The following XRRA1 variants were observed in gnomAD, a reference collection of about 807,000 sequenced individuals.
The protein encoded by XRRA1 is X-ray radiation resistance associated 1, also known as X-ray radiation resistance-associated protein 1.
A neutral mutation model predicts 80.2 loss-of-function variants in XRRA1; 69 were observed. The ratio of observed to expected loss-of-function variants is 0.86; its 90% CI spans 0.71 to 1.05. The LOEUF is 1.05. Among genes scored for constraint, XRRA1 ranks in the 50% least tolerant of loss-of-function variants. XRRA1 has a pLI of 0.00. For synonymous variants in XRRA1, 348 were observed against 389.9 expected (o/e 0.89, Z 1.27); for missense variants, 967 against 976.4 (o/e 0.99, Z 0.13).
At chr11:74,913,825 G>A (rs1203810511) in intron 8 of XRRA1, 3 of 152,118 alleles carry the variant, frequency 2.0e-5, no homozygotes, top group African/African-American at 7.2e-5. Flanking sequence ...CTACGATATG[G>A]ATTAATTTTT....
chr11:74,900,403 A>G (rs2137842142), intron 10 of XRRA1, among the ~76,000 whole-genome samples: 1 of 151,854 alleles, frequency 6.6e-6, no homozygotes, highest in South Asian at 2.1e-4. Context: ...ATCAACATGG[A>G]GAAACCCCAT....
At chr11:74,932,099 T>C (rs1943725422) in intron 5 of XRRA1, among the ~76,000 whole-genome samples, 1 of 152,226 alleles carries the variant, frequency 6.6e-6, no homozygotes, top group Non-Finnish European at 1.5e-5. Flanking sequence ...TATTGTTTTG[T>C]AGGAGCTCTT....
chr11:74,862,064 T>C (rs765210297), intron 11 of XRRA1, among the ~76,000 whole-genome samples: 1 of 152,186 alleles, frequency 6.6e-6, no homozygotes, highest in Non-Finnish European at 1.5e-5. Flanking sequence ...CTATTTCAAT[T>C]TCAGAACTTT....
intron 3 of XRRA1, 24 bp from the exon 4 acceptor site, chr11:74,937,092 A>C (rs1251772778): frequency 2.5e-6 from 4 of 1,599,788 alleles, no homozygotes. Context: ...TAGAACAGTG[A>C]AAAGGGGAAA....
intron 6 of XRRA1, among the ~76,000 whole-genome samples, chr11:74,929,381 C>T (rs1193785816): frequency 6.6e-6 from 1 of 152,138 alleles, no homozygotes; most frequent in Non-Finnish European, 1.5e-5. Flanking sequence ...GAAATAATCT[C>T]CCAGGTTTCC....
Position 74,927,403 on chromosome 11 carries a change from A to G in XRRA1, c.510T>C (p.Phe170=). The G allele has an allele frequency of 1.2e-6, 2 of 1,609,962 alleles. No individual in the cohort carries two copies. The highest frequency in any genetic ancestry group is 1.1e-5 in the South Asian group (1 of 90,942). The stretch of plus-strand genomic sequence containing the variant: ...ACCTCCAACTTACTTCTAATAACTT[A>G]AAGTCTCCATATTTCACGTAGATAG... ...IKTIYVKYGD[F]KLLEFLDLSF... is the part of the protein sequence containing the mutation. The change falls in exon 7 of 19, where the codon TTT becomes TTC. Residue 170 remains phenylalanine (F), a synonymous_variant. Coordinates refer to ENST00000684022, the MANE Select transcript of XRRA1 (RefSeq NM_001378157.1).
chr11:74,934,373 T>C (rs949146744), intron 4 of XRRA1, among the ~76,000 whole-genome samples: 2 of 152,216 alleles, frequency 1.3e-5, no homozygotes, highest in Admixed American at 1.3e-4. Flanking sequence ...CATTTATTTA[T>C]GGTACCCACC....
intron 8 of XRRA1, among the ~76,000 whole-genome samples, chr11:74,910,430 C>T (rs1463516104): frequency 1.3e-5 from 2 of 152,066 alleles, no homozygotes; most frequent in African/African-American, 4.8e-5. Flanking sequence ...TAGCAGATTC[C>T]AGCTCAAAAC....
At chr11:74,873,436 G>A (rs370942783) in intron 10 of XRRA1, among the ~76,000 whole-genome samples, 7 of 152,156 alleles carry the variant, frequency 4.6e-5, no homozygotes, top group Non-Finnish European at 5.9e-5. Context: ...TAGATCTAAA[G>A]GATGCCTTTT....
intron 7 of XRRA1, among the ~76,000 whole-genome samples, chr11:74,927,062 C>A (rs946094229): frequency 4.0e-5 from 6 of 151,374 alleles, no homozygotes; most frequent in Non-Finnish European, 7.4e-5. Flanking sequence ...TCAAAATTCT[C>A]CCTCCTTCAA....
intron 12 of XRRA1, 26 bp downstream of exon 12, chr11:74,859,132 T>G: frequency 6.4e-7 from 1 of 1,570,270 alleles, no homozygotes; most frequent in Non-Finnish European, 8.6e-7. Context: ...TGCCCCTGAG[T>G]AAACAGGAGA....
chr11:74,852,699 G>A (rs1188883140), intron 12 of XRRA1, among the ~76,000 whole-genome samples: 1 of 152,222 alleles, frequency 6.6e-6, no homozygotes, highest in African/African-American at 2.4e-5. Flanking sequence ...CCTGCAATCG[G>A]TGGCTTATTG....
At position 74,906,293 on chromosome 11, in the gene XRRA1, C is replaced by G; in HGVS notation, c.949G>C (p.Asp317His). 6.2e-7 allele frequency: 1 copy of G among 1,614,006 alleles called. No homozygotes were observed. Among genetic ancestry groups the G allele is most frequent in the Non-Finnish European group, 8.5e-7 (1 of 1,179,892 alleles). ...AGTACAGTATAATCCAGTTGCTCAT[C>G]TGAGTCCTCAAGCATCCTTGGCTTG... ...QSKPRMLEDS[D>H]EQLDYTVLPM... The change falls in exon 10 of 19, where the codon GAT becomes CAT. Residue 317 changes from aspartate to histidine, a missense_variant. Asp to His is a moderately conservative substitution (Grantham distance 81). Coordinates refer to ENST00000684022, the MANE Select transcript of XRRA1 (RefSeq NM_001378157.1).
chr11:74,924,764 C>T (rs867407680), intron 7 of XRRA1, among the ~76,000 whole-genome samples: 19 of 152,084 alleles, frequency 1.2e-4, no homozygotes, highest in Admixed American at 1.2e-3. Flanking sequence ...ACCCAGGAGG[C>T]GGAGGTTGCA....
chr11:74,876,974 C>T (rs2046179927), intron 10 of XRRA1: 1 of 152,138 alleles, frequency 6.6e-6, no homozygotes, highest in Admixed American at 6.5e-5. Flanking sequence ...AAGGGAAATT[C>T]TTGGTGAGTA....
At chr11:74,880,535 T>G (rs1590933224) in intron 10 of XRRA1, among the ~76,000 whole-genome samples, 5 of 149,850 alleles carry the variant, frequency 3.3e-5, no homozygotes, top group Admixed American at 3.3e-4. Flanking sequence ...GCTTTTCTAG[T>G]TCTTTTAATT....
At chr11:74,900,109 G>A (rs1455247061) in intron 10 of XRRA1, among the ~76,000 whole-genome samples, 1 of 151,736 alleles carries the variant, frequency 6.6e-6, no homozygotes, top group Non-Finnish European at 1.5e-5. Flanking sequence ...AGGTTGCAGT[G>A]AGCCGAGAAA....
rs2037730588 is a variant in XRRA1 at position 74,845,183 on chromosome 11, T to G, written c.1817A>C (p.Glu606Ala). The change falls in exon 16 of 19, where the codon GAG becomes GCG. Residue 606 changes from glutamate to alanine, a missense_variant. Physicochemically the swap from Glu to Ala is moderately radical, Grantham distance 107 (BLOSUM62 -1). Coordinates refer to ENST00000684022, the MANE Select transcript of XRRA1 (RefSeq NM_001378157.1). ...GAGTTTCCTCCGAGTCCCTTTCACC[T>G]CTCTGGGTGCCGTTGGTGGTTTCTT... is the stretch of plus-strand genomic sequence containing the variant. ...DQKKPPTAPR[E>A]VKGTRRKLPT... is the part of the protein sequence containing the mutation. 56 of 1,614,054 alleles carry G rather than the reference T, an allele frequency of 3.5e-5. No individual in the cohort carries two copies. Among genetic ancestry groups the G allele is most frequent in the Non-Finnish European group, 4.7e-5 (56 of 1,179,892 alleles).
rs1439712684 is a variant in XRRA1, at chr11:74,930,359, T to G, written c.365A>C (p.Asp122Ala). 2 of 1,561,298 alleles carry G rather than the reference T, an allele frequency of 1.3e-6. No homozygotes were observed. Among genetic ancestry groups the G allele is most frequent in the Admixed American group, 1.9e-5 (1 of 52,534 alleles). ...AATCACAGAATGAAAATGCTTGAAG[T>G]CATTTTCCTTGGCCTGTAGGAAAGC... ...GLKFSKAKEN[D>A]FKHFHSVIYI... Residue 122 changes from aspartate (D) to alanine (A), a missense_variant, in exon 6 of 19, where the codon GAC becomes GCC. Asp to Ala is a moderately radical substitution (Grantham distance 126). Coordinates refer to ENST00000684022, the MANE Select transcript of XRRA1 (RefSeq NM_001378157.1).
Sources: allele counts gnomAD v4.1 joint callset (sites outside exome capture counted in the v4.1 genomes callset), GRCh38; gene constraint gnomAD v4.1.1; transcripts MANE v1.5; gene names NCBI Gene and HGNC (gene_info 2026-07-23, HGNC 2026-07-21).